Variants in HMG20A observed in about 807,000 individuals in gnomAD.
HMG20A encodes high mobility group protein 20A.
Under a neutral mutation model 43.9 loss-of-function variants are expected in HMG20A, and 17 were observed. That is an observed-to-expected ratio of 0.39 (90% CI 0.27 to 0.58). HMG20A has a LOEUF of 0.58. Among genes scored for constraint, HMG20A ranks in the 20% least tolerant of loss-of-function variants. The probability of loss-of-function intolerance (pLI) is 0.59; values close to 1 mark genes in which losing one functional copy is unlikely to be tolerated. For synonymous variants in HMG20A, 132 were observed against 147.5 expected, an observed-to-expected ratio of 0.89 and a Z score of 0.76; for missense variants, 341 against 438.2, an observed-to-expected ratio of 0.78 and a Z score of 1.98.
the HMG20A span, among the ~76,000 whole-genome samples, chr15:77,517,316 C>G: frequency 6.6e-6 from 1 of 152,140 alleles, no homozygotes; most frequent in Non-Finnish European, 1.5e-5. Context: ...TCATCCACAT[C>G]TGTGTTCCCA....
the HMG20A span, among the ~76,000 whole-genome samples, chr15:77,497,655 T>C: frequency 1.6e-5 from 2 of 128,002 alleles, no homozygotes; most frequent in Non-Finnish European, 3.2e-5. Flanking sequence ...GAGATATTAA[T>C]AGAGAGAGAG....
At chr15:77,501,066 C>G in the HMG20A span, among the ~76,000 whole-genome samples, 4 of 152,138 alleles carry the variant, frequency 2.6e-5, no homozygotes, top group Non-Finnish European at 4.4e-5. Flanking sequence ...TATGCCTATT[C>G]TGATACTGAT....
At position 77,444,063 on chromosome 15, in the gene HMG20A, T is replaced by C. The variant is rs534125514; in HGVS notation, c.-4-14341T>C. On this transcript the variant is annotated intron_variant, in intron 1 of 9. Transcript: ENST00000336216. Reference sequence around the variant, plus strand: ...ATCCATATACTTTCTCATAAATGTTTCATTGATAACTTTGTAATATAATTT... The same window carrying C: ...ATCCATATACTTTCTCATAAATGTTCCATTGATAACTTTGTAATATAATTT... 4.6e-5 allele frequency among the ~76,000 whole-genome samples: 7 copies of C among 152,322 alleles called. No homozygotes were observed. In the South Asian group the frequency reaches 1.4e-3, roughly 32 times the overall value.
the HMG20A span, among the ~76,000 whole-genome samples, chr15:77,503,745 G>C: frequency 6.6e-6 from 1 of 152,156 alleles, no homozygotes; most frequent in Non-Finnish European, 1.5e-5. Flanking sequence ...CTCCAACTTG[G>C]GTCTTTAAAT....
intron 4 of HMG20A, among the ~76,000 whole-genome samples, chr15:77,468,076 GA>G (rs1156804854): frequency 6.6e-6 from 1 of 152,164 alleles, no homozygotes; most frequent in Non-Finnish European, 1.5e-5. Flanking sequence ...ACTCTCCTGG[GA>G]ATTAATTGAA....
chr15:77,479,496 A>C, intron 9 of HMG20A, 175 bp downstream of exon 9: 1 of 604,198 alleles, frequency 1.7e-6, no homozygotes, highest in Non-Finnish European at 2.8e-6. Context: ...AGAAAAGAGA[A>C]TCACTGTAGT....
At chr15:77,422,269 T>C (rs1039702208) in intron 1 of HMG20A, among the ~76,000 whole-genome samples, 1 of 152,184 alleles carries the variant, frequency 6.6e-6, no homozygotes, top group Admixed American at 6.5e-5. Context: ...CTGTGTACTT[T>C]TTCTTTTGGG....
At chr15:77,436,633 A>G (rs1322164435) in intron 1 of HMG20A, among the ~76,000 whole-genome samples, 1 of 151,396 alleles carries the variant, frequency 6.6e-6, no homozygotes, top group African/African-American at 2.4e-5. Flanking sequence ...TAATTTTTGT[A>G]TTTTTAGTAG....
intron 1 of HMG20A, among the ~76,000 whole-genome samples, chr15:77,443,379 G>GATGATGATGATTATTATTATTATT (rs576920554): frequency 1.5e-5 from 2 of 131,332 alleles, no homozygotes; most frequent in African/African-American, 5.7e-5. Flanking sequence ...TGATGATGAT[G>GATGATGATGATTATTATTATTATT]ATTATTATTA....
the HMG20A span, among the ~76,000 whole-genome samples, chr15:77,503,090 G>T: frequency 6.6e-6 from 1 of 152,186 alleles, no homozygotes. Flanking sequence ...ATTTGCTTAG[G>T]TATTCTTTTT....
At chr15:77,451,292 G>A (rs891389860) in intron 1 of HMG20A, among the ~76,000 whole-genome samples, 2 of 152,172 alleles carry the variant, frequency 1.3e-5, no homozygotes, top group Non-Finnish European at 2.9e-5. Flanking sequence ...TAAGAAGTGC[G>A]ATTGCTGGAT....
intron 4 of HMG20A, among the ~76,000 whole-genome samples, chr15:77,470,033 C>T (rs1402841159): frequency 6.6e-6 from 1 of 152,150 alleles, no homozygotes; most frequent in East Asian, 1.9e-4. Flanking sequence ...ATAAATCATA[C>T]TAATAATAGT....
At chr15:77,512,955 A>G in the HMG20A span, among the ~76,000 whole-genome samples, 1 of 152,210 alleles carries the variant, frequency 6.6e-6, no homozygotes, top group Non-Finnish European at 1.5e-5. Context: ...ACTTTTGTAC[A>G]TTCCTGCCCA....
In HMG20A at chr15:77,478,440, A is replaced by G. The variant is rs1219408297; in HGVS notation, c.837A>G (p.Thr279=). The change falls in exon 8 of 10, where the codon ACA becomes ACG. Residue 279 remains threonine (T), a synonymous_variant. Coordinates refer to ENST00000336216, the MANE Select transcript of HMG20A (RefSeq NM_001304504.2). ...TGATCCAGGAGCGGAGCCGCAACAC[A>G]GTCTTACAGCAGCACCTGGAGACCC... The part of the protein sequence containing the change: ...VDVIQERSRN[T]VLQQHLETLR... 5.0e-6 allele frequency: 8 copies of G among 1,612,534 alleles called. No homozygotes were observed. The African/African-American group carries it at 5.3e-5, about 11-fold the overall frequency.
At chr15:77,488,504 C>G (rs1259651585), downstream of HMG20A, among the ~76,000 whole-genome samples, 2 of 152,020 alleles carry the variant, frequency 1.3e-5, no homozygotes, top group African/African-American at 4.8e-5. Flanking sequence ...GATATTTTTT[C>G]CATAAGTGCA....
intron 2 of HMG20A, among the ~76,000 whole-genome samples, chr15:77,459,974 G>A (rs952903728): frequency 6.6e-6 from 1 of 152,186 alleles, no homozygotes; most frequent in African/African-American, 2.4e-5. Context: ...CTTTTACTCT[G>A]AAGTGGGATA....
rs116353697 is a variant in HMG20A, at chr15:77,456,815, G to A, written c.-4-1589G>A. Among the ~76,000 whole-genome samples the A allele has an allele frequency of 7.4e-3, 1,126 of 152,200 alleles. 15 individuals are homozygous for A. The highest frequency in any genetic ancestry group is 0.025 in the African/African-American group (1,052 of 41,532). On this transcript the variant is annotated intron_variant, in intron 1 of 9. Coordinates refer to ENST00000336216, the MANE Select transcript of HMG20A (RefSeq NM_001304504.2). Reference sequence around the variant, plus strand: ...TGTTAGCAGCCCAGGCTTTAATCTCGCCTTTGTATTGTATAATGTGAATTA... The same window carrying A: ...TGTTAGCAGCCCAGGCTTTAATCTCACCTTTGTATTGTATAATGTGAATTA...
At chr15:77,488,275 A>T (rs2072955782), downstream of HMG20A, among the ~76,000 whole-genome samples, 1 of 152,184 alleles carries the variant, frequency 6.6e-6, no homozygotes, top group Admixed American at 6.5e-5. Flanking sequence ...AGAGTTTTTT[A>T]TACCAACTTC....
At chr15:77,481,653 C>A (rs138332408) in intron 9 of HMG20A, among the ~76,000 whole-genome samples, 2 of 152,218 alleles carry the variant, frequency 1.3e-5, no homozygotes, top group African/African-American at 4.8e-5. Flanking sequence ...TAGAATATTA[C>A]TATTATCCTT....
Sources: allele counts gnomAD v4.1 joint callset (sites outside exome capture counted in the v4.1 genomes callset), GRCh38; gene constraint gnomAD v4.1.1; transcripts MANE v1.5; gene names NCBI Gene and HGNC (gene_info 2026-07-23, HGNC 2026-07-21).